The following DOCK8 variants were observed in gnomAD, a reference collection of about 807,000 sequenced individuals.
The protein encoded by DOCK8 is dedicator of cytokinesis 8.
In DOCK8, 141 loss-of-function variants were observed where a neutral mutation model predicts 245.6. That is an observed-to-expected ratio of 0.57 (90% CI 0.50 to 0.66). DOCK8 has a LOEUF of 0.66. Ranked by LOEUF, DOCK8 falls within the 30% of genes least tolerant of loss-of-function variation. DOCK8 has a pLI of 0.00. For synonymous variants in DOCK8, 1,168 were observed against 970.2 expected (o/e 1.20, Z -3.79); for missense variants, 2,965 against 2,603.4 (o/e 1.14, Z -3.02).
rs181253867 is a variant in DOCK8, at chr9:434,351, G to A, written c.4886+376G>A. 2.2e-4 allele frequency among the ~76,000 whole-genome samples: 34 copies of A among 152,032 alleles called. No individual in the cohort carries two copies. The East Asian group carries it at 3.1e-3, about 14-fold the overall frequency. On this transcript the variant is annotated intron_variant, in intron 38 of 47. Transcript: ENST00000432829. ...TTTTACTTTAGAAATCATTTTTTAC[G>A]CGTAGTTTAAAAGTTGGTCTTCCAG...
At chr9:365,586 T>TTC (rs1374988390) in intron 14 of DOCK8, 1 of 455,916 alleles carries the variant, frequency 2.2e-6, no homozygotes, top group Non-Finnish European at 4.4e-6. Flanking sequence ...TTTTTTTTTT[T>TTC]TCAGAGAAGT....
At chr9:401,724 C>G (rs1218813425) in intron 26 of DOCK8, among the ~76,000 whole-genome samples, 1 of 152,110 alleles carries the variant, frequency 6.6e-6, no homozygotes, top group Admixed American at 6.5e-5. Flanking sequence ...CAGAAACAAT[C>G]TTTGACTTGT....
chr9:421,478 C>T (rs187058687), intron 32 of DOCK8, among the ~76,000 whole-genome samples: 29 of 152,140 alleles, frequency 1.9e-4, no homozygotes, highest in African/African-American at 6.5e-4. Flanking sequence ...ATCATCTTCT[C>T]GATCATTCAG....
rs140539006 is a variant in DOCK8 at position 446,500 on chromosome 9, G to A, written c.5711G>A (p.Arg1904Gln). 1.6e-4 allele frequency: 253 copies of A among 1,614,194 alleles called. No homozygotes were observed. The highest frequency in any genetic ancestry group is 2.0e-4 in the Non-Finnish European group (241 of 1,180,030). ...ACCACCCCGTTCACCCTGGAGGGGC[G>A]GCCTCGGGGAGAGCTGCATGAGCAG... The part of the protein sequence containing the change: ...MYTTPFTLEG[R>Q]PRGELHEQYR... The change falls in exon 44 of 48, where the codon CGG becomes CAG. Residue 1904 changes from arginine (R) to glutamine (Q), a missense_variant. This residue lies in a region of DOCK8 where 2,825 missense variants were observed against 2,453.5 expected (regional missense o/e 1.15). Coordinates refer to ENST00000432829, the MANE Select transcript of DOCK8 (RefSeq NM_203447.4).
At chr9:451,326 A>C (rs1030663906) in intron 45 of DOCK8, among the ~76,000 whole-genome samples, 9 of 151,128 alleles carry the variant, frequency 6.0e-5, no homozygotes, top group African/African-American at 2.2e-4. Flanking sequence ...CAACAATAAA[A>C]AAGAAAATAA....
At chr9:248,716 T>G (rs1481129059) in intron 1 of DOCK8, among the ~76,000 whole-genome samples, 1 of 152,214 alleles carries the variant, frequency 6.6e-6, no homozygotes, top group Non-Finnish European at 1.5e-5. Flanking sequence ...TTCCTGTTCC[T>G]GTCCTATTCA....
Position 332,497 on chromosome 9 carries a change from T to G in DOCK8, c.1125+19T>G, listed in dbSNP as rs544416567. The G allele has an allele frequency of 1.5e-5, 23 of 1,563,052 alleles. No homozygotes were observed. In the East Asian group the frequency reaches 4.9e-4, roughly 34 times the overall value. The stretch of plus-strand genomic sequence containing the variant: ...TGGAAAGGTATGGTAATTTGAGTGT[T>G]GTTAAATGGAGACATCTTAGAAGAA... On this transcript the variant is annotated intron_variant, in intron 10 of 47. Coordinates refer to ENST00000432829, the MANE Select transcript of DOCK8 (RefSeq NM_203447.4).
chr9:218,750 C>T (rs911888210), intron 1 of DOCK8, among the ~76,000 whole-genome samples: 5 of 151,920 alleles, frequency 3.3e-5, no homozygotes, highest in South Asian at 2.1e-4. Context: ...ATAAAGAGGA[C>T]GAAAGTGTAG....
Position 400,698 on chromosome 9 carries a change from C to T in DOCK8, c.3234+1439C>T, listed in dbSNP as rs200004366. Among the ~76,000 whole-genome samples, 355 of 68,958 alleles carry T rather than the reference C, an allele frequency of 5.1e-3. 3 individuals are homozygous for T. The highest frequency in any genetic ancestry group is 8.0e-3 in the African/African-American group (71 of 8,884). The allele number at this position is 68,958 out of a possible 152,430, so 45.2% of individuals were successfully genotyped here. On this transcript the variant is annotated intron_variant, in intron 26 of 47. Coordinates refer to ENST00000432829, the MANE Select transcript of DOCK8 (RefSeq NM_203447.4). Reference sequence around the variant, plus strand: ...TTCACCATCACCACCACCTCCACCACCACCACCACCTCCACCATCACCACC... The same window carrying T: ...TTCACCATCACCACCACCTCCACCATCACCACCACCTCCACCATCACCACC...
intron 33 of DOCK8, 93 bp downstream of exon 33, chr9:422,228 C>G: frequency 9.7e-7 from 1 of 1,034,504 alleles, no homozygotes; most frequent in Non-Finnish European, 1.5e-6. Flanking sequence ...TGCATCCTTC[C>G]AAGGGTTAGA....
intron 4 of DOCK8, among the ~76,000 whole-genome samples, chr9:295,981 A>T (rs1182679831): frequency 6.6e-6 from 1 of 152,238 alleles, no homozygotes; most frequent in Non-Finnish European, 1.5e-5. Flanking sequence ...AAAAATGTAA[A>T]ATACATGATC....
chr9:213,975 C>T (rs1169516200), upstream of DOCK8: 1 of 152,896 alleles, frequency 6.5e-6, no homozygotes, highest in East Asian at 1.9e-4. Flanking sequence ...ATGCGCCCGC[C>T]TCGGCCTCCC....
chr9:261,030 G>A (rs190583021), intron 1 of DOCK8, among the ~76,000 whole-genome samples: 2 of 151,304 alleles, frequency 1.3e-5, no homozygotes, highest in East Asian at 3.9e-4. Context: ...AGCTTGTAGT[G>A]AGCGGAGATC....
chr9:312,778 G>T (rs896429941), intron 6 of DOCK8: 3 of 315,710 alleles, frequency 9.5e-6, no homozygotes, highest in African/African-American at 2.2e-5. Flanking sequence ...GATGAAATGA[G>T]AGGTGACGAT....
chr9:271,129 G>C (rs1303471194), intron 1 of DOCK8, among the ~76,000 whole-genome samples: 1 of 152,204 alleles, frequency 6.6e-6, no homozygotes, highest in Non-Finnish European at 1.5e-5. Flanking sequence ...CTGTAGCATC[G>C]AAGGTGCCTA....
chr9:404,448 C>G (rs1178774117), intron 26 of DOCK8, among the ~76,000 whole-genome samples: 1 of 152,168 alleles, frequency 6.6e-6, no homozygotes, highest in Non-Finnish European at 1.5e-5. Context: ...GGTTCTACAA[C>G]TTTCCAATGG....
intron 4 of DOCK8, among the ~76,000 whole-genome samples, chr9:297,420 G>T (rs1586630172): frequency 1.3e-5 from 2 of 152,200 alleles, no homozygotes; most frequent in East Asian, 1.9e-4. Flanking sequence ...TGTCTCAAAT[G>T]TGTTAGAATA....
Position 290,971 on chromosome 9 carries a change from AAGTT to A in DOCK8, c.404+1393_404+1396del, listed in dbSNP as rs199507790. ...TTCATTATTAAAAGTTATTAAGAGA[AAGTT>A]AGATGCCAATCCATCATCTGTTCTA... is the stretch of plus-strand genomic sequence containing the variant. On this transcript the variant is annotated intron_variant, in intron 4 of 47. Transcript: ENST00000432829. Among the ~76,000 whole-genome samples, 7 of 152,178 alleles carry A rather than the reference AAGTT, an allele frequency of 4.6e-5. No individual in the cohort carries two copies. The East Asian group carries it at 7.7e-4, about 17-fold the overall frequency.
chr9:443,213 A>G (rs2057147487), intron 42 of DOCK8, among the ~76,000 whole-genome samples: 1 of 152,236 alleles, frequency 6.6e-6, no homozygotes, highest in Non-Finnish European at 1.5e-5. Context: ...GGCCAAGCAT[A>G]CATCTTATAG....
Sources: gnomAD v4.1 joint callset for allele counts (sites outside exome capture counted in the v4.1 genomes callset) on GRCh38, gnomAD v4.1.1 for gene constraint, gnomAD v4.1.1 regional missense constraint, MANE v1.5 for transcripts, NCBI Gene and HGNC (gene_info 2026-07-23, HGNC 2026-07-21) for gene names.